Variants in SORCS3 observed in about 807,000 individuals in gnomAD.
The protein encoded by SORCS3 is VPS10 domain-containing receptor SorCS3.
SORCS3 carries 57 observed loss-of-function variants against 146.3 expected under a neutral mutation model. That is an observed-to-expected ratio of 0.39 (90% CI 0.31 to 0.49). The LOEUF is 0.49. SORCS3 is among the 20% of genes least tolerant of loss of function. The pLI, the probability that SORCS3 is intolerant of heterozygous loss-of-function variation, is 0.92. For missense variants in SORCS3, 1,341 were observed against 1,575.5 expected, an observed-to-expected ratio of 0.85 and a Z score of 2.52; for synonymous variants, 653 against 618.5, an observed-to-expected ratio of 1.06 and a Z score of -0.83.
At chr10:105,173,267 G>A (rs373462202) in intron 13 of SORCS3, among the ~76,000 whole-genome samples, 12 of 151,524 alleles carry the variant, frequency 7.9e-5, no homozygotes, top group African/African-American at 2.4e-4. Flanking sequence ...AGCCGAGATC[G>A]ACTCACTGTA....
intron 1 of SORCS3, among the ~76,000 whole-genome samples, chr10:104,802,487 C>T (rs923496468): frequency 1.3e-5 from 2 of 152,136 alleles, no homozygotes; most frequent in African/African-American, 4.8e-5. Flanking sequence ...ATTGACTTAT[C>T]CTGGGAATAG....
Position 105,089,805 on chromosome 10 carries a change from C to T in SORCS3, c.1059C>T (p.Asp353=). ...TGGCCGGATTGGATAAGGAGGCGGA[C>T]CTGGTGCACATGGAGGTGCGGACCA... The part of the protein sequence containing the change: ...WSVAGLDKEA[D]LVHMEVRTTD... The change falls in exon 6 of 27, where the codon GAC becomes GAT. Residue 353 remains aspartate, a synonymous_variant. Coordinates refer to ENST00000369701, the MANE Select transcript of SORCS3 (RefSeq NM_014978.3). 6.2e-7 allele frequency: 1 copy of T among 1,614,102 alleles called. No homozygotes were observed. Among genetic ancestry groups the T allele is most frequent in the Non-Finnish European group, 8.5e-7 (1 of 1,179,968 alleles).
At chr10:104,974,597 G>T (rs576202486) in intron 3 of SORCS3, among the ~76,000 whole-genome samples, 1 of 152,046 alleles carries the variant, frequency 6.6e-6, no homozygotes, top group Non-Finnish European at 1.5e-5. Context: ...GTCTCTACAC[G>T]TGAGATGGGT....
intron 4 of SORCS3, among the ~76,000 whole-genome samples, chr10:105,020,471 C>G (rs535658067): frequency 3.3e-5 from 5 of 152,158 alleles, no homozygotes; most frequent in African/African-American, 1.2e-4. Flanking sequence ...CTGTGCAAAC[C>G]CTCTACCCCA....
intron 1 of SORCS3, among the ~76,000 whole-genome samples, chr10:104,837,559 C>CA (rs1174555366): frequency 6.6e-6 from 1 of 152,152 alleles, no homozygotes; most frequent in African/African-American, 2.4e-5. Context: ...ACTTATTTGA[C>CA]AAAGCTTATT....
chr10:104,867,779 T>C (rs1375015558), intron 2 of SORCS3, among the ~76,000 whole-genome samples: 9 of 152,210 alleles, frequency 5.9e-5, no homozygotes, highest in African/African-American at 1.9e-4. Flanking sequence ...TTCAAAGGCA[T>C]GCATGATCAT....
chr10:105,002,840 C>T (rs1239475869), intron 4 of SORCS3, among the ~76,000 whole-genome samples: 5 of 152,138 alleles, frequency 3.3e-5, no homozygotes, highest in Non-Finnish European at 1.5e-5. Context: ...TGCTTTTCTT[C>T]CTTTACCTAC....
chr10:105,084,905 T>C (rs1384153974), intron 5 of SORCS3, among the ~76,000 whole-genome samples: 1 of 151,950 alleles, frequency 6.6e-6, no homozygotes, highest in East Asian at 1.9e-4. Context: ...TGTTTTTGTA[T>C]TTTTTTAGTA....
At chr10:105,093,282 A>G (rs905268459) in intron 6 of SORCS3, among the ~76,000 whole-genome samples, 8 of 152,224 alleles carry the variant, frequency 5.3e-5, no homozygotes, top group African/African-American at 1.9e-4. Flanking sequence ...CAAATAGATC[A>G]TAGATCTAAA....
rs75792791 is a variant in SORCS3, at chr10:104,873,828, G to T, written c.695+30969G>T. 9.6e-3 allele frequency among the ~76,000 whole-genome samples: 1,458 copies of T among 152,244 alleles called. 26 individuals carry two copies. Among genetic ancestry groups the T allele is most frequent in the African/African-American group, 0.032 (1,345 of 41,540 alleles). The stretch of plus-strand genomic sequence containing the variant: ...AAAACAGAATTTCTCAACCAGTTCG[G>T]CTAATAGCTGAGCTTCAGCAAAGGG... On this transcript the variant is annotated intron_variant, in intron 2 of 26. Coordinates refer to ENST00000369701, the MANE Select transcript of SORCS3 (RefSeq NM_014978.3).
chr10:104,972,448 T>C (rs1428527787), intron 3 of SORCS3, among the ~76,000 whole-genome samples: 1 of 152,092 alleles, frequency 6.6e-6, no homozygotes, highest in Non-Finnish European at 1.5e-5. Context: ...TTTTGGAAAA[T>C]ATCTCTAACA....
chr10:105,126,699 C>T (rs1374092370), intron 7 of SORCS3, among the ~76,000 whole-genome samples: 1 of 152,144 alleles, frequency 6.6e-6, no homozygotes, highest in Admixed American at 6.6e-5. Context: ...CCTCTGCTAG[C>T]TGTGTGACTT....
chr10:104,899,044 G>A (rs976602745), intron 2 of SORCS3, among the ~76,000 whole-genome samples: 1 of 152,158 alleles, frequency 6.6e-6, no homozygotes, highest in African/African-American at 2.4e-5. Context: ...AAGATATGCT[G>A]TGTTTTTCTA....
intron 20 of SORCS3, among the ~76,000 whole-genome samples, chr10:105,226,963 C>G (rs572063427): frequency 6.6e-6 from 1 of 151,834 alleles, no homozygotes; most frequent in East Asian, 1.9e-4. Context: ...GTTAGTCCAG[C>G]AAGTGGTTTG....
At chr10:104,803,151 A>C (rs1273575348) in intron 1 of SORCS3, among the ~76,000 whole-genome samples, 1 of 152,192 alleles carries the variant, frequency 6.6e-6, no homozygotes, top group Non-Finnish European at 1.5e-5. Context: ...TGTCACTTTC[A>C]CTCACATTTC....
At chr10:105,104,772 C>T (rs1471382285) in intron 6 of SORCS3, among the ~76,000 whole-genome samples, 1 of 152,188 alleles carries the variant, frequency 6.6e-6, no homozygotes, top group Admixed American at 6.6e-5. Flanking sequence ...TCATACTACA[C>T]ATGATGCTAA....
At chr10:104,993,330 A>AT (rs2055005625) in intron 4 of SORCS3, among the ~76,000 whole-genome samples, 1 of 152,122 alleles carries the variant, frequency 6.6e-6, no homozygotes, top group Middle Eastern at 3.2e-3. Flanking sequence ...CTTTTCTGAC[A>AT]TTTTGCCTCG....
intron 1 of SORCS3, among the ~76,000 whole-genome samples, chr10:104,722,375 T>C: frequency 6.6e-6 from 1 of 152,212 alleles, no homozygotes; most frequent in Non-Finnish European, 1.5e-5. Context: ...CTGGATTCAG[T>C]TTGCCAATAT....
intron 16 of SORCS3, among the ~76,000 whole-genome samples, chr10:105,210,179 T>C (rs951623301): frequency 6.6e-6 from 1 of 152,136 alleles, no homozygotes; most frequent in East Asian, 1.9e-4. Flanking sequence ...TCAAAGAATA[T>C]ACAGGAAGCA....
Sources: gnomAD v4.1 joint callset for allele counts (sites outside exome capture counted in the v4.1 genomes callset) on GRCh38, gnomAD v4.1.1 for gene constraint, MANE v1.5 for transcripts, NCBI Gene and HGNC (gene_info 2026-07-23, HGNC 2026-07-21) for gene names.